The following LMTK3 variants were observed in gnomAD, a reference collection of about 807,000 sequenced individuals.
LMTK3 encodes the protein lemur tail kinase 3.
Under a neutral mutation model 116.7 loss-of-function variants are expected in LMTK3, and 27 were observed. The observed-to-expected ratio is 0.23, with a 90% CI of 0.17 to 0.32. LMTK3 has a LOEUF of 0.32. LMTK3 is among the 10% of genes least tolerant of loss of function. LMTK3 has a pLI of 1.00. For missense variants in LMTK3, 1,764 were observed against 2,068.5 expected (o/e 0.85, Z 2.86); for synonymous variants, 965 against 971.0 (o/e 0.99, Z 0.11).
rs767804358 is a variant in LMTK3 at position 48,502,510 on chromosome 19, G to A, written c.717C>T (p.Asp239=). The change falls in exon 7 of 15, where the codon GAC becomes GAT. Residue 239 remains aspartate, a synonymous_variant. Transcript: ENST00000600059. ...GGCCCATCCTCTGCAGCGTCCGCAG[G>A]TCTCGAGGGGGTAGCTCAGGGGACA... ...EGLSPELPPR[D]LRTLQRMGLE... The A allele has an allele frequency of 6.2e-6, 10 of 1,608,602 alleles. 1 individual carries two copies. In the South Asian group the frequency reaches 7.7e-5, roughly 12 times the overall value.
chr19:48,494,570 CTGCCCTCTT>C lies in LMTK3; in HGVS notation c.3677-470_3677-462del. Among the ~76,000 whole-genome samples the C allele has an allele frequency of 6.6e-6, 1 of 152,276 alleles. No individual in the cohort carries two copies. The highest frequency in any genetic ancestry group is 2.1e-4 in the South Asian group (1 of 4,824). On this transcript the variant is annotated intron_variant, in intron 11 of 14. Coordinates refer to ENST00000600059, the MANE Select transcript of LMTK3 (RefSeq NM_001388485.1). The surrounding 1 kb of genome is among the most constrained non-coding windows in gnomAD (Gnocchi z 4.0). ...GGTCTTGAACTCCTGACCTTATGAT[CTGCCCTCTT>C]TGGCCTCCCAAAGTGCTGGGATTAC...
At chr19:48,485,882 C>T in intron 14 of LMTK3, 93 bp from the exon 15 acceptor site, 2 of 1,249,602 alleles carry the variant, frequency 1.6e-6, no homozygotes, top group Admixed American at 4.8e-5. Flanking sequence ...AAGCCCTCAC[C>T]CACCATGGCC....
At position 48,511,606 on chromosome 19, in the gene LMTK3, G is replaced by A; in HGVS notation, c.-30C>T. The A allele has an allele frequency of 9.2e-7, 1 of 1,085,366 alleles. No homozygotes were observed. The highest frequency in any genetic ancestry group is 1.3e-6 in the Non-Finnish European group (1 of 798,302). The allele number at this position is 1,085,366 out of a possible 1,614,324, so 67.2% of individuals were successfully genotyped here. On this transcript the variant is annotated 5_prime_UTR_variant, in exon 1 of 15. Transcript: ENST00000600059. ...TCGAGGATGGCAGGGAGGTGGAGGTGGTGGCGGCTGGGGAGGAGGGGGGGG... is the reference window on the plus strand; with the variant it reads ...TCGAGGATGGCAGGGAGGTGGAGGTAGTGGCGGCTGGGGAGGAGGGGGGGG...
Position 48,510,512 on chromosome 19 carries a change from T to A in LMTK3, c.157A>T (p.Ile53Phe). The part of the protein sequence containing the change: ...LISCSGLLAF[I>F]FLLLTCLCCK... ...CACAGACAGGTGAGGAGGAGGAAGA[T>A]GAAGGCCAGCAGGCCGGAGCAGGAA... is the stretch of plus-strand genomic sequence containing the variant. Residue 53 changes from isoleucine to phenylalanine, a missense_variant, in exon 2 of 15, where the codon ATC becomes TTC. Transcript: ENST00000600059. The A allele has an allele frequency of 6.3e-7, 1 of 1,599,382 alleles. No homozygotes were observed. The highest frequency in any genetic ancestry group is 1.7e-5 in the Admixed American group (1 of 57,506).
intron 14 of LMTK3, among the ~76,000 whole-genome samples, chr19:48,490,857 T>C (rs1353176872): frequency 6.6e-6 from 1 of 151,762 alleles, no homozygotes; most frequent in Non-Finnish European, 1.5e-5. Context: ...GTGGGGGTAA[T>C]CCCCACAGAA....
chr19:48,510,254 C>A (rs1972633945), intron 2 of LMTK3, 81 bp from the exon 3 acceptor site: 12 of 1,514,680 alleles, frequency 7.9e-6, no homozygotes, highest in Non-Finnish European at 9.9e-6. Flanking sequence ...AGTTTGTCTC[C>A]CCTTCATTTT....
rs1320258803 is a variant in LMTK3 at position 48,498,152 on chromosome 19, C to T, written c.2917G>A (p.Ala973Thr). Residue 973 changes from alanine to threonine, a missense_variant, in exon 11 of 15, where the codon GCG becomes ACG. Ala to Thr is a moderately conservative substitution (Grantham distance 58). Coordinates refer to ENST00000600059, the MANE Select transcript of LMTK3 (RefSeq NM_001388485.1). ...GACCTCAGCTCCCCATTCTCCAGCG[C>T]TTTCTCCTCCCTCCTTGGGGGTGTC... ...ELTPPRREEK[A>T]LENGELRSPE... The T allele has an allele frequency of 2.5e-6, 4 of 1,613,666 alleles. No homozygotes were observed. The Admixed American group carries it at 5.0e-5, about 20-fold the overall frequency.
chr19:48,495,082 G>A (rs1000535724), intron 11 of LMTK3, among the ~76,000 whole-genome samples: 8 of 151,060 alleles, frequency 5.3e-5, no homozygotes, highest in African/African-American at 1.9e-4. Context: ...CGATCTCGGC[G>A]CATTGCAACC....
chr19:48,496,298 TTTC>T (rs1325859621), intron 11 of LMTK3, among the ~76,000 whole-genome samples: 1 of 148,122 alleles, frequency 6.8e-6, no homozygotes, highest in Non-Finnish European at 1.5e-5. Context: ...TTCTTTTTCT[TTTC>T]TTTTTTTTTT....
chr19:48,509,315 T>C, intron 4 of LMTK3, 122 bp downstream of exon 4: 1 of 838,720 alleles, frequency 1.2e-6, no homozygotes. Context: ...GATGGGAGGC[T>C]GAGGGGGCAT....
rs1438749881 is a variant in LMTK3 at position 48,485,704 on chromosome 19, C to T, written c.*69G>A. ...GCGTCTGCGGTGGTGGCAGTGGCGC[C>T]GTCATCCACAGAGGATTCCATTCTC... On this transcript the variant is annotated 3_prime_UTR_variant, in exon 15 of 15. Transcript: ENST00000600059. 3.2e-6 allele frequency: 5 copies of T among 1,549,814 alleles called. 1 individual carries two copies. Among genetic ancestry groups the T allele is most frequent in the Middle Eastern group, 1.7e-4 (1 of 5,826 alleles).
At chr19:48,510,733 G>T (rs1231256240) in intron 1 of LMTK3, 141 bp from the exon 2 acceptor site, 5 of 982,256 alleles carry the variant, frequency 5.1e-6, no homozygotes, top group Admixed American at 3.4e-5. Context: ...GTGCAGAGTG[G>T]CCCAAGGCAT....
Position 48,499,128 on chromosome 19 carries a change from G to T in LMTK3, c.1941C>A (p.Gly647=). The change falls in exon 11 of 15, where the codon GGC becomes GGA. Residue 647 remains glycine (G), a synonymous_variant. Coordinates refer to ENST00000600059, the MANE Select transcript of LMTK3 (RefSeq NM_001388485.1). ...TGCTGCTGTCTTCCCCTGGGGAGCT[G>T]CCCTCCTCCTCCTCCTCTTCTTCTT... ...WVEEEEEEEE[G]SSPGEDSSSL... is the part of the protein sequence containing the mutation. The T allele has an allele frequency of 6.4e-7, 1 of 1,554,938 alleles. No individual in the cohort carries two copies. Among genetic ancestry groups the T allele is most frequent in the East Asian group, 2.4e-5 (1 of 41,814 alleles).
chr19:48,508,828 A>AGG, intron 5 of LMTK3, 23 bp downstream of exon 5: 2 of 1,557,852 alleles, frequency 1.3e-6, no homozygotes, highest in Non-Finnish European at 1.8e-6. Flanking sequence ...CAAGGCACAC[A>AGG]CCCACTGAGA....
chr19:48,502,728 C>G (rs926621634), intron 6 of LMTK3, 147 bp from the exon 7 acceptor site: 22 of 1,074,782 alleles, frequency 2.0e-5, no homozygotes, highest in Middle Eastern at 4.3e-4. Flanking sequence ...ATAACACAGC[C>G]CATCTTGCCT....
Position 48,510,135 on chromosome 19 carries a change from C to T in LMTK3, c.249G>A (p.Glu83=), listed in dbSNP as rs1972632182. 6.2e-7 allele frequency: 1 copy of T among 1,613,870 alleles called. No individual in the cohort carries two copies. The highest frequency in any genetic ancestry group is 1.7e-5 in the Admixed American group (1 of 60,008). The change falls in exon 3 of 15, where the codon GAG becomes GAA. Residue 83 remains glutamate, a synonymous_variant. Coordinates refer to ENST00000600059, the MANE Select transcript of LMTK3 (RefSeq NM_001388485.1). ...ENPEGEDCSG[E]YTPPAEETSS... is the part of the protein sequence containing the mutation. Reference sequence around the variant, plus strand: ...AGGTCTCCTCCGCAGGGGGAGTGTACTCCCCGGAGCAGTCCTCCCCTTCAG... The same window carrying T: ...AGGTCTCCTCCGCAGGGGGAGTGTATTCCCCGGAGCAGTCCTCCCCTTCAG...
intron 14 of LMTK3, 135 bp from the exon 15 acceptor site, chr19:48,485,924 C>T: frequency 1.2e-6 from 1 of 848,214 alleles, no homozygotes; most frequent in Non-Finnish European, 1.8e-6. Context: ...TCTCTGTCCT[C>T]ACCTACCCCT....
intron 5 of LMTK3, among the ~76,000 whole-genome samples, chr19:48,505,320 G>A (rs1804309664): frequency 6.6e-6 from 1 of 151,832 alleles, no homozygotes; most frequent in African/African-American, 2.4e-5. Context: ...CACCATGTTG[G>A]CCAGGCTGGC....
intron 14 of LMTK3, among the ~76,000 whole-genome samples, chr19:48,489,215 G>A (rs917650201): frequency 3.3e-5 from 5 of 152,160 alleles, no homozygotes; most frequent in Admixed American, 6.6e-5. Flanking sequence ...CCAGCATGGC[G>A]CCTGCACGCA....
Sources: allele counts gnomAD v4.1 joint callset (sites outside exome capture counted in the v4.1 genomes callset), GRCh38; gene constraint gnomAD v4.1.1; non-coding constraint Gnocchi (gnomAD v3.1); transcripts MANE v1.5; gene names NCBI Gene and HGNC (gene_info 2026-07-23, HGNC 2026-07-21).